CLIP4: variants seen among roughly 807,000 people sequenced by gnomAD.
CLIP4 encodes CAP-Gly domain containing linker protein family member 4.
CLIP4 carries 47 observed loss-of-function variants against 73.1 expected under a neutral mutation model. That is an observed-to-expected ratio of 0.64 (90% CI 0.51 to 0.82). CLIP4 has a LOEUF of 0.82. Ranked by LOEUF, CLIP4 falls within the 40% of genes least tolerant of loss-of-function variation. The pLI, the probability that CLIP4 is intolerant of heterozygous loss-of-function variation, is 0.00. For synonymous variants in CLIP4, 306 were observed against 295.4 expected (o/e 1.04, Z -0.37); for missense variants, 874 against 852.9 (o/e 1.02, Z -0.31).
chr2:29,161,733 G>A (rs1667304632), intron 12 of CLIP4, among the ~76,000 whole-genome samples: 1 of 152,148 alleles, frequency 6.6e-6, no homozygotes, highest in African/African-American at 2.4e-5. Context: ...TAGAGCTTAG[G>A]GAATCTGAAT....
In CLIP4 at chr2:29,182,085, T is replaced by A; in HGVS notation, c.*192T>A. On this transcript the variant is annotated 3_prime_UTR_variant, in exon 16 of 16. Transcript: ENST00000320081. ...GAACTATGGGGAATCATGGTTCTTTTAAAGCAATTTTCAAAATAAGTACCA... is the reference window on the plus strand; with the variant it reads ...GAACTATGGGGAATCATGGTTCTTTAAAAGCAATTTTCAAAATAAGTACCA... 2.3e-6 allele frequency: 1 copy of A among 432,694 alleles called. No homozygotes were observed. Among genetic ancestry groups the A allele is most frequent in the Non-Finnish European group, 3.9e-6 (1 of 254,062 alleles). 26.8% of individuals were successfully genotyped at this position (432,694 alleles called of 1,614,324 possible).
chr2:29,131,084 A>T (rs192903361), intron 2 of CLIP4, among the ~76,000 whole-genome samples, 174 bp from the exon 3 acceptor site: 5 of 152,146 alleles, frequency 3.3e-5, no homozygotes, highest in Non-Finnish European at 7.4e-5. Flanking sequence ...TTTTTAAAGT[A>T]TTTAGTAAGT....
chr2:29,145,123 T>C, intron 7 of CLIP4, 109 bp from the exon 8 acceptor site: 5 of 875,276 alleles, frequency 5.7e-6, no homozygotes, highest in East Asian at 2.7e-5. Context: ...AAATTCACTT[T>C]GAGAGAGTGA....
chr2:29,107,416 G>A (rs1415853668), intron 1 of CLIP4, among the ~76,000 whole-genome samples: 3 of 119,778 alleles, frequency 2.5e-5, no homozygotes, highest in African/African-American at 9.9e-5. Context: ...CTGTCGCCCA[G>A]GCTGGAGTGC....
At chr2:29,132,130 A>G (rs1369607244) in intron 3 of CLIP4, 22 bp from the exon 4 acceptor site, 2 of 1,592,980 alleles carry the variant, frequency 1.3e-6, no homozygotes, top group South Asian at 1.1e-5. Context: ...GGTTGTAACC[A>G]TATTTTCCTT....
At chr2:29,120,815 A>G (rs1664201345) in intron 1 of CLIP4, among the ~76,000 whole-genome samples, 1 of 152,180 alleles carries the variant, frequency 6.6e-6, no homozygotes, top group African/African-American at 2.4e-5. Context: ...TTTGGCCAGG[A>G]TAGAACTCAC....
At chr2:29,130,139 A>G (rs1400361160) in intron 2 of CLIP4, 3 of 459,276 alleles carry the variant, frequency 6.5e-6, no homozygotes, top group East Asian at 7.0e-5. Flanking sequence ...CTAGAACTCC[A>G]TGGCTGGGTG....
At chr2:29,126,201 AT>A (rs1664589766) in intron 2 of CLIP4, among the ~76,000 whole-genome samples, 2 of 152,240 alleles carry the variant, frequency 1.3e-5, no homozygotes, top group Admixed American at 6.5e-5. Flanking sequence ...AAATAAAAAA[AT>A]AAAAACTATT....
At chr2:29,174,288 C>T (rs980748018) in intron 14 of CLIP4, 85 bp from the exon 15 acceptor site, 12 of 1,133,172 alleles carry the variant, frequency 1.1e-5, no homozygotes, top group Middle Eastern at 2.6e-4. Context: ...AATAGAACAT[C>T]TACAGAAGAA....
intron 12 of CLIP4, 50 bp from the exon 13 acceptor site, chr2:29,163,781 A>C (rs1489239443): frequency 1.3e-6 from 2 of 1,553,298 alleles, no homozygotes; most frequent in Admixed American, 4.0e-5. Context: ...GTAGCATAAG[A>C]GTTTTGGATA....
chr2:29,156,520 A>T, intron 10 of CLIP4, 77 bp downstream of exon 10: 1 of 1,055,124 alleles, frequency 9.5e-7, no homozygotes, highest in South Asian at 1.5e-5. Context: ...AAAACAGTTT[A>T]TATGGAGGTT....
At chr2:29,113,840 T>C (rs1463886217), upstream of CLIP4, among the ~76,000 whole-genome samples, 1 of 152,222 alleles carries the variant, frequency 6.6e-6, no homozygotes, top group Non-Finnish European at 1.5e-5. This position sits in a 1 kb window ranked among gnomAD's most constrained non-coding sequence, Gnocchi z 4.0. Context: ...TCAATGACAA[T>C]TGGCCTCATT....
intron 6 of CLIP4, among the ~76,000 whole-genome samples, chr2:29,142,380 A>T (rs1665833428): frequency 6.6e-6 from 1 of 152,140 alleles, no homozygotes; most frequent in Non-Finnish European, 1.5e-5. Context: ...ACAGGTTCCA[A>T]AAAGTGGGGA....
chr2:29,105,987 A>T (rs1277650851), intron 1 of CLIP4, among the ~76,000 whole-genome samples: 1 of 152,186 alleles, frequency 6.6e-6, no homozygotes, highest in Admixed American at 6.5e-5. Context: ...ACCATCATCT[A>T]AATACACACT....
At chr2:29,111,724 T>C (rs939949589), upstream of CLIP4, among the ~76,000 whole-genome samples, 2 of 152,256 alleles carry the variant, frequency 1.3e-5, no homozygotes, top group African/African-American at 4.8e-5. Context: ...TTCTTCCAAT[T>C]TGTCAGCCAT....
intron 6 of CLIP4, among the ~76,000 whole-genome samples, chr2:29,137,952 G>A (rs1045638421): frequency 1.3e-5 from 2 of 152,030 alleles, no homozygotes; most frequent in African/African-American, 4.8e-5. Context: ...CCATTCTGTA[G>A]GTTGTCTGTT....
chr2:29,111,186 CA>C (rs758967906), upstream of CLIP4, among the ~76,000 whole-genome samples: 9 of 152,188 alleles, frequency 5.9e-5, no homozygotes, highest in Non-Finnish European at 1.2e-4. Flanking sequence ...ATATATTTAC[CA>C]GTTTAAATTT....
chr2:29,100,823 T>G (rs1668021428), intron 1 of CLIP4, among the ~76,000 whole-genome samples: 1 of 151,368 alleles, frequency 6.6e-6, no homozygotes. Context: ...GAAGTGACTT[T>G]GAAGAGCAAA....
intron 14 of CLIP4, among the ~76,000 whole-genome samples, chr2:29,172,158 GA>G (rs1393161073): frequency 6.6e-6 from 1 of 151,420 alleles, no homozygotes; most frequent in Non-Finnish European, 1.5e-5. Context: ...CTCAATAATA[GA>G]AAATCATTAG....
Sources: allele counts gnomAD v4.1 joint callset (sites outside exome capture counted in the v4.1 genomes callset), GRCh38; gene constraint gnomAD v4.1.1; non-coding constraint Gnocchi (gnomAD v3.1); transcripts MANE v1.5; gene names NCBI Gene and HGNC (gene_info 2026-07-23, HGNC 2026-07-21).